Variants in PINLYP observed in about 807,000 individuals in gnomAD.
PINLYP encodes the protein phospholipase A2 inhibitor and LY6/PLAUR domain containing.
In PINLYP, 12 loss-of-function variants were observed where a neutral mutation model predicts 15.8. The ratio of observed to expected loss-of-function variants is 0.76; its 90% CI spans 0.49 to 1.23. PINLYP has a LOEUF of 1.23. PINLYP is among the 50% of genes most tolerant of loss of function. PINLYP has a pLI of 0.00. For synonymous variants in PINLYP, 93 were observed against 97.7 expected (o/e 0.95, Z 0.28); for missense variants, 278 against 264.2 (o/e 1.05, Z -0.36).
rs368406651 is a variant in PINLYP at position 43,577,333 on chromosome 19, G to T, written c.70+72G>T. ...GAGGTCCCAGATTGAGAGAGAGAGA[G>T]ATATAGAGAGAGAAAGAGCCTTCAG... On this transcript the variant is annotated intron_variant, in intron 2 of 5. Transcript: ENST00000599207. The T allele has an allele frequency of 7.2e-4, 1,014 of 1,399,014 alleles. 2 individuals are homozygous for T. The highest frequency in any genetic ancestry group is 2.6e-3 in the African/African-American group (177 of 68,932). 86.7% of individuals were successfully genotyped at this position (1,399,014 alleles called of 1,614,324 possible).
intron 3 of PINLYP, chr19:43,580,648 G>A: frequency 2.0e-6 from 2 of 985,692 alleles, no homozygotes; most frequent in Non-Finnish European, 2.4e-6. Flanking sequence ...GGGGTGGAAG[G>A]GACCACATCC....
At chr19:43,577,082 C>T (rs904532300) in intron 1 of PINLYP, 33 bp from the exon 2 acceptor site, 1 of 1,530,890 alleles carries the variant, frequency 6.5e-7, no homozygotes, top group Non-Finnish European at 8.7e-7. Flanking sequence ...GAGGACTGCC[C>T]TGGGTTCTGA....
rs927544085 is a variant in PINLYP at position 43,578,497 on chromosome 19, T to C, written c.71-93T>C. ...GAAAAACCAGGGAGCTGCTGGTCCC[T>C]CCTCTCTCAGGACACAAAAGTCCTA... On this transcript the variant is annotated intron_variant, in intron 2 of 5. Coordinates refer to ENST00000599207, the Ensembl canonical transcript of PINLYP. The C allele has an allele frequency of 3.6e-6, 3 of 841,172 alleles. No homozygotes were observed. In the African/African-American group the frequency reaches 5.1e-5, roughly 14 times the overall value. The allele number at this position is 841,172 out of a possible 1,614,324, so 52.1% of individuals were successfully genotyped here.
Position 43,578,779 on chromosome 19 carries a change from A to AG in PINLYP, c.187+79dup, listed in dbSNP as rs1383491191. 6.0e-6 allele frequency: 7 copies of AG among 1,164,204 alleles called. 1 individual carries two copies. The highest frequency in any genetic ancestry group is 5.3e-5 in the South Asian group (4 of 75,882). The allele number at this position is 1,164,204 out of a possible 1,614,324, so 72.1% of individuals were successfully genotyped here. On this transcript the variant is annotated intron_variant, in intron 3 of 5. Coordinates refer to ENST00000599207, the Ensembl canonical transcript of PINLYP. ...CAGGGTGGAAGAGACTACCATGCTG[A>AG]GGGGGGATCATCATGGTTCTCAAGA...
chr19:43,578,511 A>C, intron 2 of PINLYP, 79 bp from the exon 3 acceptor site: 1 of 1,024,530 alleles, frequency 9.8e-7, no homozygotes. Context: ...CTCTCAGGAC[A>C]CAAAAGTCCT....
chr19:43,576,871 C>G (rs1353155534), exon 1 of PINLYP: 1 of 338,670 alleles, frequency 3.0e-6, no homozygotes, highest in African/African-American at 2.2e-5. Context: ...AGGCCCAACT[C>G]CGTCTTGGTC....
intron 3 of PINLYP, among the ~76,000 whole-genome samples, chr19:43,579,553 A>G (rs1182804925): frequency 6.6e-6 from 1 of 150,624 alleles, no homozygotes; most frequent in African/African-American, 2.4e-5. Context: ...GGCTGAGCAA[A>G]TCATCGTAAA....
chr19:43,576,912 G>C, exon 1 of PINLYP: 1 of 480,020 alleles, frequency 2.1e-6, no homozygotes, highest in Non-Finnish European at 3.7e-6. Context: ...ACAATGGGCC[G>C]TGGGAAGGTG....
intron 4 of PINLYP, 96 bp from the exon 5 acceptor site, chr19:43,581,467 G>GTA: frequency 6.6e-7 from 1 of 1,510,110 alleles, no homozygotes; most frequent in Non-Finnish European, 8.8e-7. Context: ...AAAATGCAGT[G>GTA]TCTATTAGCA....
intron 3 of PINLYP, chr19:43,578,947 T>G: frequency 2.4e-6 from 1 of 417,128 alleles, no homozygotes; most frequent in South Asian, 2.3e-5. Context: ...AGAAGGAAAA[T>G]GTGGGAGGGG....
chr19:43,575,658 A>G (rs935547856), upstream of PINLYP: 2 of 463,050 alleles, frequency 4.3e-6, no homozygotes, highest in Non-Finnish European at 3.9e-6. Flanking sequence ...CAGAGCGGGA[A>G]GAGCGCTGCG....
At chr19:43,577,542 A>G (rs1043924201) in intron 2 of PINLYP, among the ~76,000 whole-genome samples, 2 of 151,738 alleles carry the variant, frequency 1.3e-5, no homozygotes, top group Admixed American at 6.6e-5. Flanking sequence ...ACACATCTCA[A>G]TTCTAGGAAA....
chr19:43,578,956 G>A (rs995375651), intron 3 of PINLYP: 12 of 415,364 alleles, frequency 2.9e-5, no homozygotes, highest in Non-Finnish European at 4.1e-5. Context: ...ATGTGGGAGG[G>A]GTGAGAGTTA....
chr19:43,578,567 C>T (rs1972892450), intron 2 of PINLYP, 23 bp from the exon 3 acceptor site: 9 of 1,519,328 alleles, frequency 5.9e-6, no homozygotes, highest in Non-Finnish European at 7.9e-6. Context: ...TGACTACAGC[C>T]TCGCCCTCTG....
intron 2 of PINLYP, 108 bp downstream of exon 2, chr19:43,577,369 A>G: frequency 4.2e-6 from 5 of 1,190,378 alleles, no homozygotes; most frequent in Non-Finnish European, 5.6e-6. Flanking sequence ...CAAGTCCTCA[A>G]GGTGAACGGG....
At position 43,581,136 on chromosome 19, in the gene PINLYP, A is replaced by G. The variant is rs1289432268; in HGVS notation, c.188-76A>G. ...TGTGGGGTTGGGGAGGCCTAGGGTT[A>G]GGCAAGACCTTGAGGCAGGGGTTGA... On this transcript the variant is annotated intron_variant, in intron 3 of 5. Coordinates refer to ENST00000599207, the Ensembl canonical transcript of PINLYP. 3 of 1,470,774 alleles carry G rather than the reference A, an allele frequency of 2.0e-6. No individual in the cohort carries two copies. In the African/African-American group the frequency reaches 4.2e-5, roughly 21 times the overall value. The allele number at this position is 1,470,774 out of a possible 1,614,324, so 91.1% of individuals were successfully genotyped here.
At chr19:43,580,670 G>T (rs966215093) in intron 3 of PINLYP, 2 of 986,074 alleles carry the variant, frequency 2.0e-6, no homozygotes, top group Non-Finnish European at 2.4e-6. Flanking sequence ...GCAGGCTGAG[G>T]TTGGCAATGG....
chr19:43,580,644 G>A, intron 3 of PINLYP: 1 of 257,712 alleles, frequency 3.9e-6, no homozygotes, highest in Non-Finnish European at 5.9e-6. Context: ...GGGTGGGGTG[G>A]AAGGGACCAC....
chr19:43,578,887 G>C (rs1169486349), intron 3 of PINLYP, 181 bp downstream of exon 3: 5 of 563,594 alleles, frequency 8.9e-6, no homozygotes, highest in Non-Finnish European at 1.6e-5. Context: ...TAAGTGGTGT[G>C]ATAGAAATCA....
Sources: allele counts gnomAD v4.1 joint callset (sites outside exome capture counted in the v4.1 genomes callset), GRCh38; gene constraint gnomAD v4.1.1; transcripts MANE v1.5; gene names NCBI Gene and HGNC (gene_info 2026-07-23, HGNC 2026-07-21).